The following COL4A2 variants were observed in gnomAD, a reference collection of about 807,000 sequenced individuals.
COL4A2 encodes collagen type IV alpha 2 chain, also known as collagen alpha-2(IV) chain.
Under a neutral mutation model 200.2 loss-of-function variants are expected in COL4A2, and 99 were observed. That is an observed-to-expected ratio of 0.49 (90% CI 0.42 to 0.58). The LOEUF (loss-of-function observed/expected upper bound fraction) is 0.58, where lower values mean the gene tolerates loss of function less well. Ranked by LOEUF, COL4A2 falls within the 20% of genes least tolerant of loss-of-function variation. The pLI, the probability that COL4A2 is intolerant of heterozygous loss-of-function variation, is 0.00. For missense variants in COL4A2, 1,950 were observed against 2,314.1 expected (o/e 0.84, Z 3.23); for synonymous variants, 897 against 900.6 (o/e 1.00, Z 0.07).
chr13:110,409,183 A>G (rs1296730044), intron 4 of COL4A2, among the ~76,000 whole-genome samples: 3 of 152,112 alleles, frequency 2.0e-5, no homozygotes, highest in African/African-American at 7.2e-5. Flanking sequence ...GTACACACAT[A>G]CACGCACATA....
intron 45 of COL4A2, among the ~76,000 whole-genome samples, chr13:110,505,191 A>C (rs1390760851): frequency 2.0e-5 from 3 of 151,810 alleles, no homozygotes; most frequent in Non-Finnish European, 4.4e-5. Flanking sequence ...TCTACTAAAA[A>C]TACAAAAAAT....
chr13:110,311,407 A>T (rs980376831), intron 3 of COL4A2, among the ~76,000 whole-genome samples: 1 of 152,122 alleles, frequency 6.6e-6, no homozygotes, highest in Non-Finnish European at 1.5e-5. Flanking sequence ...CCCATCCCAG[A>T]CTTGAGGCAG....
chr13:110,447,504 C>T (rs1594219074), intron 18 of COL4A2, among the ~76,000 whole-genome samples: 1 of 152,126 alleles, frequency 6.6e-6, no homozygotes, highest in East Asian at 1.9e-4. Context: ...AAATCTGATC[C>T]TAGTCCTGCA....
At chr13:110,346,718 C>G (rs1430197609) in intron 3 of COL4A2, among the ~76,000 whole-genome samples, 1 of 151,450 alleles carries the variant, frequency 6.6e-6, no homozygotes, top group East Asian at 2.0e-4. Context: ...GACGACGGCC[C>G]CACACCCATG....
At chr13:110,394,513 C>T (rs116155253) in intron 4 of COL4A2, among the ~76,000 whole-genome samples, 59 of 152,330 alleles carry the variant, frequency 3.9e-4, no homozygotes, top group African/African-American at 1.3e-3. Flanking sequence ...TCCAAACATG[C>T]GTCCCAGACT....
chr13:110,450,861 A>T (rs1881517272), intron 20 of COL4A2, among the ~76,000 whole-genome samples: 1 of 152,214 alleles, frequency 6.6e-6, no homozygotes, highest in Non-Finnish European at 1.5e-5. Context: ...CTTGACTGGC[A>T]GCCTCTCTCC....
At chr13:110,358,656 A>G (rs1457494512) in intron 4 of COL4A2, among the ~76,000 whole-genome samples, 1 of 152,194 alleles carries the variant, frequency 6.6e-6, no homozygotes, top group African/African-American at 2.4e-5. Context: ...GTGTCATCTT[A>G]GGGCACCACT....
intron 4 of COL4A2, among the ~76,000 whole-genome samples, chr13:110,385,619 TACAGTGTGTGGATAGGCCGTGGC>T (rs1280905920): frequency 6.7e-6 from 1 of 148,618 alleles, no homozygotes; most frequent in Non-Finnish European, 1.5e-5. Flanking sequence ...AGGCCGTGGC[TACAGTGTGTGGATAGGCCGTGGC>T]TACAGTGTGT....
intron 3 of COL4A2, among the ~76,000 whole-genome samples, chr13:110,322,408 G>A (rs1885298780): frequency 6.6e-6 from 1 of 152,216 alleles, no homozygotes; most frequent in South Asian, 2.1e-4. Context: ...GCCAGTGAGC[G>A]AGGTCTGGGT....
At chr13:110,408,293 AAG>A (rs1324288734) in intron 4 of COL4A2, among the ~76,000 whole-genome samples, 2 of 152,188 alleles carry the variant, frequency 1.3e-5, no homozygotes, top group Non-Finnish European at 2.9e-5. Context: ...GCCCTTGAAG[AAG>A]AGTGTCAGGC....
chr13:110,465,740 A>T (rs1277783803), intron 25 of COL4A2, 134 bp downstream of exon 25: 6 of 923,564 alleles, frequency 6.5e-6, no homozygotes, highest in Middle Eastern at 3.4e-4. Flanking sequence ...CGTACAAGGG[A>T]TGACCCAACT....
At chr13:110,377,388 C>T (rs754185140) in intron 4 of COL4A2, among the ~76,000 whole-genome samples, 61 of 152,210 alleles carry the variant, frequency 4.0e-4, no homozygotes, top group Admixed American at 5.9e-4. Flanking sequence ...CCTGGTCACT[C>T]TCCTGACCCT....
At chr13:110,465,794 A>G (rs1312051571) in intron 25 of COL4A2, among the ~76,000 whole-genome samples, 188 bp downstream of exon 25, 4 of 152,160 alleles carry the variant, frequency 2.6e-5, no homozygotes, top group Non-Finnish European at 5.9e-5. Context: ...AGCAGCTGAA[A>G]CATGCAGCCT....
chr13:110,385,523 T>C (rs1430318686), intron 4 of COL4A2, among the ~76,000 whole-genome samples: 5 of 111,774 alleles, frequency 4.5e-5, no homozygotes, highest in Middle Eastern at 4.3e-3. Context: ...AGGCCGTGGT[T>C]ACAGTGCGTG....
intron 32 of COL4A2, 77 bp downstream of exon 32, chr13:110,482,736 G>A: frequency 1.3e-6 from 2 of 1,483,682 alleles, no homozygotes; most frequent in South Asian, 1.2e-5. Flanking sequence ...GCATAACATT[G>A]CCCAGAATGA....
At chr13:110,360,708 G>C (rs1030085979) in intron 4 of COL4A2, among the ~76,000 whole-genome samples, 1 of 152,168 alleles carries the variant, frequency 6.6e-6, no homozygotes, top group Non-Finnish European at 1.5e-5. Flanking sequence ...TTATCCAGAC[G>C]GGTTATCAAC....
intron 27 of COL4A2, chr13:110,468,341 C>G (rs575196906): frequency 2.1e-6 from 1 of 470,092 alleles, no homozygotes; most frequent in East Asian, 7.0e-5. Flanking sequence ...CCATGGATTT[C>G]AACACCGTCA....
At position 110,503,827 on chromosome 13, in the gene COL4A2, C is replaced by A; in HGVS notation, c.4139-20C>A. 6.2e-7 allele frequency: 1 copy of A among 1,613,786 alleles called. No homozygotes were observed. The highest frequency in any genetic ancestry group is 1.7e-4 in the Middle Eastern group (1 of 6,056). ...GAACGACCTTGTGTGTTTACTGGGG[C>A]CTCTCTGTTTCCCTTCCAGGTGCCC... is the stretch of plus-strand genomic sequence containing the variant. On this transcript the variant is annotated intron_variant, in intron 43 of 47. Coordinates refer to ENST00000360467, the MANE Select transcript of COL4A2 (RefSeq NM_001846.4).
At chr13:110,374,698 C>A (rs1878161696) in intron 4 of COL4A2, among the ~76,000 whole-genome samples, 1 of 152,186 alleles carries the variant, frequency 6.6e-6, no homozygotes, top group South Asian at 2.1e-4. Flanking sequence ...ATAGCAAATG[C>A]TTTCCTCATC....
Sources: allele counts gnomAD v4.1 joint callset (sites outside exome capture counted in the v4.1 genomes callset), GRCh38; gene constraint gnomAD v4.1.1; transcripts MANE v1.5; gene names NCBI Gene and HGNC (gene_info 2026-07-23, HGNC 2026-07-21).